The following PTN variants were observed in gnomAD, a reference collection of about 807,000 sequenced individuals.
The protein encoded by PTN is heparin affin regulatory protein.
Under a neutral mutation model 24.1 loss-of-function variants are expected in PTN, and 18 were observed. That is an observed-to-expected ratio of 0.75 (90% CI 0.52 to 1.11). The LOEUF is 1.11. Among genes scored for constraint, PTN ranks in the 50% least tolerant of loss-of-function variants. PTN has a pLI of 0.00. For synonymous variants in PTN, 78 were observed against 68.6 expected, an observed-to-expected ratio of 1.14 and a Z score of -0.67; for missense variants, 163 against 198.8, an observed-to-expected ratio of 0.82 and a Z score of 1.08.
chr7:137,228,119 A>G (rs1808365755), intron 4 of PTN, 44 bp from the exon 5 acceptor site: 6 of 1,247,472 alleles, frequency 4.8e-6, no homozygotes, highest in Non-Finnish European at 7.0e-6. Flanking sequence ...AAAGAGAAAA[A>G]TGTCAAGTTA....
chr7:137,291,788 A>G (rs2128877363), intron 1 of PTN, among the ~76,000 whole-genome samples: 1 of 152,308 alleles, frequency 6.6e-6, no homozygotes, highest in Non-Finnish European at 1.5e-5. Context: ...TTCATATACT[A>G]TGAAAATGCC....
intron 4 of PTN, among the ~76,000 whole-genome samples, chr7:137,237,625 G>A (rs949312226): frequency 6.6e-6 from 1 of 152,124 alleles, no homozygotes; most frequent in African/African-American, 2.4e-5. Flanking sequence ...ATGCTCACCA[G>A]TGATTTCACA....
Position 137,233,889 on chromosome 7 carries a change from AACAC to A in PTN, c.452-5818_452-5815del, listed in dbSNP as rs113401589. On this transcript the variant is annotated intron_variant, in intron 4 of 4. Coordinates refer to ENST00000348225, the MANE Select transcript of PTN (RefSeq NM_002825.7). ...TACAGACTCATATAAAAACCAAAGA[AACAC>A]ACACACACACACACACATACATATA... Among the ~76,000 whole-genome samples, 152 of 147,646 alleles carry A rather than the reference AACAC, an allele frequency of 1.0e-3. 2 individuals are homozygous for A. The East Asian group carries it at 0.02, about 19-fold the overall frequency.
intron 3 of PTN, 33 bp downstream of exon 3, chr7:137,253,431 A>C (rs757923045): frequency 1.3e-6 from 2 of 1,545,278 alleles, no homozygotes; most frequent in Non-Finnish European, 1.8e-6. Flanking sequence ...ATTATCTCAG[A>C]GTAGGAGATT....
chr7:137,249,994 C>A (rs570073905), intron 4 of PTN, among the ~76,000 whole-genome samples: 1 of 152,252 alleles, frequency 6.6e-6, no homozygotes, highest in East Asian at 1.9e-4. Flanking sequence ...ATCTCCATCA[C>A]CTTCTGCAGA....
rs374303441 is a variant in PTN at position 137,228,243 on chromosome 7, A to ATG, written c.452-170_452-169dup. Among the ~76,000 whole-genome samples, 1,047 of 151,388 alleles carry ATG rather than the reference A, an allele frequency of 6.9e-3. 4 individuals carry two copies. Among genetic ancestry groups the ATG allele is most frequent in the Non-Finnish European group, 9.7e-3 (658 of 67,696 alleles). On this transcript the variant is annotated intron_variant, in intron 4 of 4. Transcript: ENST00000348225. ...CTGAGAAAACACTATGTGTATGTGC[A>ATG]TGTGTGTGTGTGTGTCTGTCTGTCT...
At chr7:137,278,333 AAAAAAT>A (rs1809404794) in intron 1 of PTN, among the ~76,000 whole-genome samples, 4 of 131,086 alleles carry the variant, frequency 3.1e-5, no homozygotes, top group East Asian at 2.3e-4. Context: ...AAAAAAAAAA[AAAAAAT>A]GACTACTAAT....
chr7:137,251,162 G>A (rs1684925352), intron 4 of PTN, 68 bp downstream of exon 4: 10 of 1,524,018 alleles, frequency 6.6e-6, no homozygotes, highest in Middle Eastern at 1.7e-4. Flanking sequence ...TCTGGAAAAT[G>A]TGGGTTTTCC....
intron 1 of PTN, among the ~76,000 whole-genome samples, chr7:137,292,308 T>C (rs1455537158): frequency 1.3e-5 from 2 of 152,190 alleles, no homozygotes. Context: ...TTTGGCTCTG[T>C]GTCCCCACAC....
At chr7:137,279,289 T>TA (rs1809426258) in intron 1 of PTN, among the ~76,000 whole-genome samples, 1 of 152,202 alleles carries the variant, frequency 6.6e-6, no homozygotes, top group Non-Finnish European at 1.5e-5. Flanking sequence ...TTTAATACAA[T>TA]ACTGAAATAA....
chr7:137,341,425 C>A (rs1810531713), intron 1 of PTN, among the ~76,000 whole-genome samples: 1 of 151,608 alleles, frequency 6.6e-6, no homozygotes. Context: ...TTTATTAAAC[C>A]AAATCTCATG....
At chr7:137,262,718 C>A (rs538919248) in intron 1 of PTN, among the ~76,000 whole-genome samples, 4 of 152,182 alleles carry the variant, frequency 2.6e-5, no homozygotes, top group African/African-American at 7.2e-5. Context: ...GGGTATGTGA[C>A]GGGGCTGTGA....
chr7:137,310,556 C>T (rs530570418), intron 1 of PTN, among the ~76,000 whole-genome samples: 2 of 152,080 alleles, frequency 1.3e-5, no homozygotes, highest in South Asian at 4.2e-4. Context: ...CGCCACCATG[C>T]CCAGCTAATT....
chr7:137,324,198 T>C (rs1810211865), intron 1 of PTN, among the ~76,000 whole-genome samples: 1 of 151,766 alleles, frequency 6.6e-6, no homozygotes. Context: ...TCTCAAACTT[T>C]AGTGTGTCTG....
intron 1 of PTN, among the ~76,000 whole-genome samples, chr7:137,262,384 T>C (rs1383903131): frequency 3.3e-5 from 5 of 152,214 alleles, no homozygotes; most frequent in Non-Finnish European, 7.3e-5. Flanking sequence ...AGATTTCTTA[T>C]CATTCTAATT....
chr7:137,298,024 G>C (rs182186846), intron 1 of PTN, among the ~76,000 whole-genome samples: 1 of 152,082 alleles, frequency 6.6e-6, no homozygotes, highest in East Asian at 1.9e-4. Flanking sequence ...CACTCTGCAA[G>C]AACAGAGACC....
chr7:137,238,740 A>T (rs184278147), intron 4 of PTN, among the ~76,000 whole-genome samples: 1 of 152,316 alleles, frequency 6.6e-6, no homozygotes, highest in East Asian at 1.9e-4. Context: ...TAAAATACAA[A>T]TAAAACTACT....
At chr7:137,281,076 T>G (rs1189829258) in intron 1 of PTN, among the ~76,000 whole-genome samples, 1 of 152,062 alleles carries the variant, frequency 6.6e-6, no homozygotes, top group Non-Finnish European at 1.5e-5. Flanking sequence ...AACATTGGTT[T>G]GGAGACTATT....
chr7:137,290,565 C>A (rs1809624007), intron 1 of PTN, among the ~76,000 whole-genome samples: 1 of 152,016 alleles, frequency 6.6e-6, no homozygotes, highest in Non-Finnish European at 1.5e-5. Context: ...TTTAGAGTGT[C>A]CAATGTATTA....
Sources: allele counts gnomAD v4.1 joint callset (sites outside exome capture counted in the v4.1 genomes callset), GRCh38; gene constraint gnomAD v4.1.1; transcripts MANE v1.5; gene names NCBI Gene and HGNC (gene_info 2026-07-23, HGNC 2026-07-21).